The following SVEP1 variants were observed in gnomAD, a reference collection of about 807,000 sequenced individuals.
The protein encoded by SVEP1 is sushi, von Willebrand factor type A, EGF and pentraxin domain-containing protein 1.
SVEP1 carries 164 observed loss-of-function variants against 367.3 expected under a neutral mutation model. That is an observed-to-expected ratio of 0.45 (90% CI 0.39 to 0.51). The LOEUF (loss-of-function observed/expected upper bound fraction) is 0.51. Among genes scored for constraint, SVEP1 ranks in the 20% least tolerant of loss-of-function variants. SVEP1 has a pLI of 0.00. For synonymous variants in SVEP1, 1,666 were observed against 1,611.6 expected, an observed-to-expected ratio of 1.03 and a Z score of -0.81; for missense variants, 4,117 against 4,425.3, an observed-to-expected ratio of 0.93 and a Z score of 1.98.
At chr9:110,422,788 C>G (rs1026641319) in intron 36 of SVEP1, among the ~76,000 whole-genome samples, 100 of 103,478 alleles carry the variant, frequency 9.7e-4, no homozygotes, top group African/African-American at 3.9e-3. Context: ...TACTATGCAG[C>G]CATAAAAAAT....
chr9:110,389,402 T>G, intron 41 of SVEP1, 122 bp downstream of exon 41: 1 of 1,157,262 alleles, frequency 8.6e-7, no homozygotes, highest in South Asian at 1.6e-5. Context: ...AAGGTTCTCA[T>G]ATGGCTTATG....
chr9:110,552,856 T>C (rs751385623), intron 1 of SVEP1, among the ~76,000 whole-genome samples: 3 of 152,122 alleles, frequency 2.0e-5, no homozygotes, highest in Non-Finnish European at 4.4e-5. Flanking sequence ...AGAGGGCACC[T>C]GAAGAAGCTT....
intron 44 of SVEP1, 45 bp from the exon 45 acceptor site, chr9:110,377,411 G>C (rs774466820): frequency 6.4e-7 from 1 of 1,568,508 alleles, no homozygotes; most frequent in African/African-American, 1.4e-5. Context: ...GAATTATGAA[G>C]GGAAGGAGTC....
intron 36 of SVEP1, among the ~76,000 whole-genome samples, chr9:110,423,168 T>TAAAAAAAAAAAAAAAAAA: frequency 3.8e-4 from 39 of 103,638 alleles, no homozygotes; most frequent in Non-Finnish European, 5.1e-4. Flanking sequence ...AAAAATAAAG[T>TAAAAAAAAAAAAAAAAAA]AAAAAAAAAA....
intron 5 of SVEP1, among the ~76,000 whole-genome samples, chr9:110,511,609 A>T (rs149387657): frequency 2.6e-4 from 38 of 145,540 alleles, no homozygotes; most frequent in African/African-American, 7.6e-4. Flanking sequence ...TTGCCTTTGA[A>T]TCTCAGTGAT....
chr9:110,436,291 T>A, intron 28 of SVEP1, 89 bp downstream of exon 28: 1 of 1,484,012 alleles, frequency 6.7e-7, no homozygotes, highest in Non-Finnish European at 9.1e-7. Flanking sequence ...GAGCTTACAA[T>A]AAGTTATGTC....
chr9:110,377,292 T>C lies in SVEP1; in HGVS notation c.10483A>G (p.Met3495Val), dbSNP rs977901987. 2 of 1,613,594 alleles carry C rather than the reference T, an allele frequency of 1.2e-6. No homozygotes were observed. The highest frequency in any genetic ancestry group is 3.3e-5 in the Admixed American group (2 of 59,984). The change falls in exon 45 of 48, where the codon ATG becomes GTG. Residue 3495 changes from methionine (M) to valine (V), a missense_variant. By Grantham distance (21) the Met-to-Val change is conservative. Transcript: ENST00000374469. ...PNACSCPEGW[M>V]GRLCEEPICI... ...TCACGTTCTTCACAGAGGCGCCCCA[T>C]CCAGCCCTCTGGACAGGAACAAGCA...
chr9:110,379,493 T>G lies in SVEP1; in HGVS notation c.10262A>C (p.His3421Pro). 6.2e-7 allele frequency: 1 copy of G among 1,613,678 alleles called. No individual in the cohort carries two copies. Among genetic ancestry groups the G allele is most frequent in the South Asian group, 1.1e-5 (1 of 91,050 alleles). Residue 3421 changes from histidine (H) to proline (P), a missense_variant, in exon 44 of 48, where the codon CAC becomes CCC. Physicochemically the swap from His to Pro is moderately conservative, Grantham distance 77. Coordinates refer to ENST00000374469, the MANE Select transcript of SVEP1 (RefSeq NM_153366.4). ...GCCTCGAGCAATTGCATTTTCTACG[T>G]GAGCTGGTGGACCACATGAGATTTC... is the stretch of plus-strand genomic sequence containing the variant. ...CEKISCGPPA[H>P]VENAIARGVH...
At chr9:110,387,577 T>A in intron 41 of SVEP1, 119 bp from the exon 42 acceptor site, 1 of 1,089,350 alleles carries the variant, frequency 9.2e-7, no homozygotes, top group Non-Finnish European at 1.3e-6. Context: ...TACTCATGTG[T>A]GAAGCACAGT....
intron 3 of SVEP1, among the ~76,000 whole-genome samples, chr9:110,532,626 T>A (rs1459979962): frequency 2.6e-5 from 4 of 152,192 alleles, no homozygotes; most frequent in Non-Finnish European, 5.9e-5. Flanking sequence ...TAAAAGTTTT[T>A]AAAAAGAATT....
chr9:110,366,555 CT>C lies in SVEP1; in HGVS notation c.10699del (p.Arg3567GlyfsTer56). On this transcript the variant is annotated frameshift_variant, in exon 48 of 48. Coordinates refer to ENST00000374469, the MANE Select transcript of SVEP1 (RefSeq NM_153366.4). LOFTEE classifies it high-confidence loss of function. ...GTGCAGTGGTTAAAACCCAGTCCTC[CT>C]TTTCCTGGAAAAAAAAAAAAAAGCA... ...SWTGHNCSRKRRTGF is the reference protein window; with the variant it reads ...SWTGHNCSRKXRTGF 2.0e-6 allele frequency: 3 copies of C among 1,529,570 alleles called. No homozygotes were observed. The highest frequency in any genetic ancestry group is 1.2e-5 in the South Asian group (1 of 81,634). The allele number at this position is 1,529,570 out of a possible 1,614,324, so 94.7% of individuals were successfully genotyped here.
rs538019588 is a variant in SVEP1 at position 110,506,444 on chromosome 9, CTCT to C, written c.1304-3230_1304-3228del. 3.9e-3 allele frequency among the ~76,000 whole-genome samples: 594 copies of C among 152,312 alleles called. 1 individual carries two copies. The highest frequency in any genetic ancestry group is 6.4e-3 in the Non-Finnish European group (436 of 68,032). On this transcript the variant is annotated intron_variant, in intron 5 of 47. Transcript: ENST00000374469. ...GTAAACAGGCAACCTACAGAATGAT[CTCT>C]TCTTTTCTAATGATCATATCCTTCA... is the stretch of plus-strand genomic sequence containing the variant.
intron 6 of SVEP1, among the ~76,000 whole-genome samples, chr9:110,500,546 T>A (rs1735094201): frequency 6.6e-6 from 1 of 152,200 alleles, no homozygotes; most frequent in African/African-American, 2.4e-5. Flanking sequence ...CACTTACATA[T>A]GTTAAATACA....
At chr9:110,434,609 C>G (rs1037158944) in intron 29 of SVEP1, 103 bp from the exon 30 acceptor site, 2 of 907,004 alleles carry the variant, frequency 2.2e-6, no homozygotes, top group African/African-American at 3.8e-5. Context: ...TTGAGAGCCA[C>G]CTTACTGATG....
chr9:110,575,714 A>C (rs557618382), intron 1 of SVEP1, among the ~76,000 whole-genome samples: 1 of 152,286 alleles, frequency 6.6e-6, no homozygotes, highest in South Asian at 2.1e-4. Flanking sequence ...GAGAAAAAAT[A>C]TTTGCCACAC....
chr9:110,388,785 A>G (rs1416348123), intron 41 of SVEP1, among the ~76,000 whole-genome samples: 1 of 152,098 alleles, frequency 6.6e-6, no homozygotes, highest in African/African-American at 2.4e-5. Context: ...CCAGGCCAAC[A>G]TGGTGAAACC....
In SVEP1 at chr9:110,409,053, A is replaced by G. The variant is rs1828003719; in HGVS notation, c.6649-102T>C. The G allele has an allele frequency of 3.9e-6, 5 of 1,291,616 alleles. No individual in the cohort carries two copies. In the Admixed American group the frequency reaches 9.9e-5, roughly 26 times the overall value. 80.0% of individuals were successfully genotyped at this position (1,291,616 alleles called of 1,614,324 possible). ...AAAAAACTAAAAGGTCTATGTTAAA[A>G]TGAATCAATTAGGAAGTAAGCAAAT... On this transcript the variant is annotated intron_variant, in intron 37 of 47. Coordinates refer to ENST00000374469, the MANE Select transcript of SVEP1 (RefSeq NM_153366.4).
chr9:110,493,480 A>T (rs1030874379), intron 8 of SVEP1, among the ~76,000 whole-genome samples: 2 of 152,156 alleles, frequency 1.3e-5, no homozygotes, highest in African/African-American at 4.8e-5. Flanking sequence ...CATGCCTGTA[A>T]TCCCAGCACT....
chr9:110,469,587 G>C (rs1186483031), intron 16 of SVEP1, among the ~76,000 whole-genome samples: 1 of 152,172 alleles, frequency 6.6e-6, no homozygotes, highest in East Asian at 1.9e-4. Context: ...GTTTGGGGTG[G>C]CTCAGAAATT....
Sources: allele counts gnomAD v4.1 joint callset (sites outside exome capture counted in the v4.1 genomes callset), GRCh38; gene constraint gnomAD v4.1.1; transcripts MANE v1.5; gene names NCBI Gene and HGNC (gene_info 2026-07-23, HGNC 2026-07-21).